Variants in ABTB3 observed in about 807,000 individuals in gnomAD.
ABTB3 encodes the protein ankyrin repeat and BTB domain containing 3, also known as ankyrin repeat- and BTB/POZ domain-containing protein 3.
the ABTB3 span, among the ~76,000 whole-genome samples, chr12:107,437,482 C>T: frequency 5.9e-5 from 9 of 152,060 alleles, no homozygotes; most frequent in African/African-American, 1.2e-4. Context: ...CTGCAACCTC[C>T]GCCTCCTGGG....
chr12:107,516,397 A>G, the ABTB3 span, among the ~76,000 whole-genome samples: 1 of 151,678 alleles, frequency 6.6e-6, no homozygotes, highest in East Asian at 1.9e-4. Flanking sequence ...CAGCCAGCTA[A>G]TTTTTTGTAT....
chr12:107,342,442 C>A, the ABTB3 span, among the ~76,000 whole-genome samples: 1 of 152,224 alleles, frequency 6.6e-6, no homozygotes, highest in East Asian at 1.9e-4. Flanking sequence ...TATCCCATCT[C>A]CCACACTGGC....
At chr12:107,643,290 G>A in the ABTB3 span, among the ~76,000 whole-genome samples, 41 of 149,730 alleles carry the variant, frequency 2.7e-4, no homozygotes, top group African/African-American at 1.0e-3. Flanking sequence ...TGTACTCCCA[G>A]TTACTCAGGA....
the ABTB3 span, among the ~76,000 whole-genome samples, chr12:107,413,963 G>C: frequency 1.3e-5 from 2 of 152,312 alleles, no homozygotes; most frequent in South Asian, 4.1e-4. Context: ...AGGAGAAATA[G>C]ATAGTTTATT....
the ABTB3 span, among the ~76,000 whole-genome samples, chr12:107,341,003 G>A: frequency 6.6e-6 from 1 of 152,180 alleles, no homozygotes; most frequent in Admixed American, 6.5e-5. Flanking sequence ...AATCTAGGAT[G>A]ATGTGAGATG....
the ABTB3 span, among the ~76,000 whole-genome samples, chr12:107,573,947 A>G: frequency 0.017 from 2,642 of 152,370 alleles, 77 homozygotes; most frequent in African/African-American, 0.058. Context: ...AATGTGACCT[A>G]GCCAAGTAGA....
the ABTB3 span, among the ~76,000 whole-genome samples, chr12:107,447,539 A>G: frequency 2.6e-5 from 4 of 152,130 alleles, no homozygotes; most frequent in African/African-American, 9.7e-5. Flanking sequence ...CCACACCCCA[A>G]GCTGGTGGTT....
At chr12:107,549,770 T>C in the ABTB3 span, among the ~76,000 whole-genome samples, 82 of 152,308 alleles carry the variant, frequency 5.4e-4, no homozygotes, top group African/African-American at 1.9e-3. Context: ...GATTGACAAA[T>C]TACATCTGGC....
the ABTB3 span, among the ~76,000 whole-genome samples, chr12:107,556,125 C>T: frequency 3.4e-5 from 5 of 145,494 alleles, no homozygotes; most frequent in East Asian, 2.0e-4. Context: ...GGCAGAGTTT[C>T]GCTCTTGTTG....
the ABTB3 span, among the ~76,000 whole-genome samples, chr12:107,452,293 T>C: frequency 2.7e-5 from 4 of 149,778 alleles, no homozygotes; most frequent in African/African-American, 9.8e-5. Flanking sequence ...CTGCAAGCTC[T>C]GCCTCCTGGG....
the ABTB3 span, among the ~76,000 whole-genome samples, chr12:107,341,439 G>A: frequency 6.6e-6 from 1 of 152,152 alleles, no homozygotes; most frequent in Non-Finnish European, 1.5e-5. Context: ...AGACTGAGGG[G>A]GGTAAGAAGA....
chr12:107,537,655 A>C, the ABTB3 span, among the ~76,000 whole-genome samples: 2 of 152,134 alleles, frequency 1.3e-5, no homozygotes, highest in Non-Finnish European at 2.9e-5. Flanking sequence ...GAGGACAGTG[A>C]GTGTCAACAT....
the ABTB3 span, among the ~76,000 whole-genome samples, chr12:107,460,663 A>G: frequency 4.6e-5 from 7 of 152,148 alleles, no homozygotes; most frequent in Non-Finnish European, 1.0e-4. Context: ...TCTGAAGAAA[A>G]AAAAAGAGAA....
At chr12:107,415,842 C>T in the ABTB3 span, among the ~76,000 whole-genome samples, 7 of 152,220 alleles carry the variant, frequency 4.6e-5, no homozygotes, top group South Asian at 2.1e-4. Flanking sequence ...TATATGACCC[C>T]GAGTTCAAGG....
the ABTB3 span, among the ~76,000 whole-genome samples, chr12:107,495,847 G>A: frequency 6.6e-6 from 1 of 152,166 alleles, no homozygotes; most frequent in African/African-American, 2.4e-5. Flanking sequence ...TATGATAAGA[G>A]TAACTACCCC....
At chr12:107,613,355 T>C in the ABTB3 span, among the ~76,000 whole-genome samples, 2 of 152,178 alleles carry the variant, frequency 1.3e-5, no homozygotes, top group Non-Finnish European at 2.9e-5. Flanking sequence ...TGGCTCACCT[T>C]GTTGCCTGAG....
chr12:107,395,072 T>A, the ABTB3 span, among the ~76,000 whole-genome samples: 128 of 152,356 alleles, frequency 8.4e-4, 1 homozygote, highest in Admixed American at 1.4e-3. Flanking sequence ...GTGCTCACCC[T>A]CATCAGCAAG....
the ABTB3 span, chr12:107,318,909 C>T: frequency 1.2e-5 from 19 of 1,553,166 alleles, no homozygotes; most frequent in African/African-American, 2.2e-4. Context: ...CCCTTTGGCT[C>T]CCAGGCGGCT....
the ABTB3 span, among the ~76,000 whole-genome samples, chr12:107,622,945 T>G: frequency 6.6e-6 from 1 of 152,268 alleles, no homozygotes; most frequent in Non-Finnish European, 1.5e-5. Context: ...TTCTATGTTC[T>G]TGTTTCTAAA....
Sources: gnomAD v4.1 joint callset for allele counts (sites outside exome capture counted in the v4.1 genomes callset) on GRCh38, gnomAD v4.1.1 for gene constraint, MANE v1.5 for transcripts, NCBI Gene and HGNC (gene_info 2026-07-23, HGNC 2026-07-21) for gene names.